MTMR8: variants seen among roughly 807,000 people sequenced by gnomAD.
MTMR8 encodes the protein myotubularin related protein 8, also known as phosphatidylinositol-3,5-bisphosphate 3-phosphatase MTMR8.
MTMR8 carries 65 observed loss-of-function variants against 39.3 expected under a neutral mutation model. That is an observed-to-expected ratio of 1.65 (90% CI 1.35 to 2.03). The LOEUF is 2.03. Among genes scored for constraint, MTMR8 ranks in the 30% most tolerant of loss-of-function variants. The pLI is 0.00. For synonymous variants in MTMR8, 245 were observed against 185.2 expected (o/e 1.32, Z -2.62); for missense variants, 777 against 538.9 (o/e 1.44, Z -4.37).
At chrX:64,358,233 G>C (rs1020077045) in intron 2 of MTMR8, among the ~76,000 whole-genome samples, 1 of 111,607 alleles carries the variant, frequency 9.0e-6, no homozygotes, top group Non-Finnish European at 1.9e-5. Context: ...AGAATCACTT[G>C]CCTAAGGTTA....
chrX:64,358,476 C>T (rs191831782), intron 2 of MTMR8, among the ~76,000 whole-genome samples: 1 of 111,798 alleles, frequency 8.9e-6, no homozygotes, highest in African/African-American at 3.3e-5. Context: ...CTTTATAATT[C>T]TTGTATCTTG....
rs762137804 is a variant in MTMR8 at position 64,328,851 on chromosome X, G to A, written c.1402C>T (p.Pro468Ser). 23 of 1,201,309 alleles carry A rather than the reference G, an allele frequency of 1.9e-5. No homozygotes were observed. In the East Asian group the frequency reaches 3.0e-4, roughly 16 times the overall value. The change falls in exon 12 of 14, where the codon CCA (proline) becomes TCA (serine). Residue 468 changes from proline (P) to serine (S), a missense_variant. Coordinates refer to ENST00000374852, the MANE Select transcript of MTMR8 (RefSeq NM_017677.4). ...TTATAGAGAGGGTTCCTGAAGTCTG[G>A]TTTCCTCTGAACCAAGAAAGGCCAC... ...SVWPFLVQRK[P>S]DFRNPLYKGF...
intron 1 of MTMR8, among the ~76,000 whole-genome samples, chrX:64,387,940 G>A (rs1245764367): frequency 9.0e-6 from 1 of 110,687 alleles, no homozygotes; most frequent in Non-Finnish European, 1.9e-5. Flanking sequence ...TCCCAGGCAG[G>A]CCACCCAATT....
chrX:64,308,657 G>A (rs925945199), intron 12 of MTMR8, among the ~76,000 whole-genome samples: 2 of 110,228 alleles, frequency 1.8e-5, no homozygotes, highest in African/African-American at 6.6e-5. Flanking sequence ...TCTACATAAC[G>A]ATTAATAATA....
chrX:64,354,719 T>C (rs192533738), intron 4 of MTMR8, 58 bp downstream of exon 4: 2 of 1,059,550 alleles, frequency 1.9e-6, no homozygotes, highest in African/African-American at 1.9e-5. Flanking sequence ...TCTTGTTTCC[T>C]GATATTCTAC....
chrX:64,382,256 G>C (rs942997222), intron 1 of MTMR8, among the ~76,000 whole-genome samples: 3 of 111,808 alleles, frequency 2.7e-5, no homozygotes, highest in Non-Finnish European at 3.8e-5. Context: ...TCTTCCATTT[G>C]TTTGTATCCT....
At chrX:64,285,327 T>C (rs1169894004) in intron 12 of MTMR8, among the ~76,000 whole-genome samples, 2 of 111,073 alleles carry the variant, frequency 1.8e-5, no homozygotes, top group Admixed American at 1.9e-4. Context: ...ATAAAGCAAG[T>C]CCTTAGAGAC....
chrX:64,306,969 G>A (rs192927161), intron 12 of MTMR8, among the ~76,000 whole-genome samples: 4 of 112,059 alleles, frequency 3.6e-5, no homozygotes, highest in African/African-American at 6.5e-5. Context: ...CTACGGGAGC[G>A]GAATGGCAGC....
Position 64,268,313 on chromosome X carries a change from T to G in MTMR8, c.*224A>C. On this transcript the variant is annotated 3_prime_UTR_variant, in exon 14 of 14. Coordinates refer to ENST00000374852, the MANE Select transcript of MTMR8 (RefSeq NM_017677.4). ...AACATTTCTATAGTTAAATCCCATTTTAGAACAATAACATATTCTTTCTCT... is the reference window on the plus strand; with the variant it reads ...AACATTTCTATAGTTAAATCCCATTGTAGAACAATAACATATTCTTTCTCT... 1 of 381,497 alleles carries G rather than the reference T, an allele frequency of 2.6e-6. No homozygotes were observed. The highest frequency in any genetic ancestry group is 4.4e-6 in the Non-Finnish European group (1 of 225,916). 31.4% of individuals were successfully genotyped at this position (381,497 alleles called of 1,213,427 possible). A position where few individuals can be genotyped will look rare whatever the true frequency, so the allele number is the denominator to read the frequency against.
At chrX:64,270,888 G>A in intron 13 of MTMR8, 59 bp downstream of exon 13, 1 of 1,150,532 alleles carries the variant, frequency 8.7e-7, no homozygotes, top group Non-Finnish European at 1.2e-6. Flanking sequence ...TCAACTCCAA[G>A]CAGGCTGGAC....
At chrX:64,272,176 C>T (rs1336614185) in intron 12 of MTMR8, among the ~76,000 whole-genome samples, 1 of 111,553 alleles carries the variant, frequency 9.0e-6, no homozygotes, top group East Asian at 2.8e-4. Context: ...AAAAGGGTAA[C>T]ACAATCTGAA....
intron 9 of MTMR8, 55 bp downstream of exon 9, chrX:64,337,212 AT>A: frequency 8.8e-7 from 1 of 1,141,915 alleles, no homozygotes; most frequent in East Asian, 3.1e-5. Context: ...GTTATTTTTT[AT>A]TTTGTCGCAA....
chrX:64,365,231 C>G (rs1290689642), intron 1 of MTMR8, among the ~76,000 whole-genome samples: 1 of 110,600 alleles, frequency 9.0e-6, no homozygotes, highest in African/African-American at 3.3e-5. Context: ...CAAGGGAGGC[C>G]AACATTCAAA....
At chrX:64,311,653 T>C (rs946897093) in intron 12 of MTMR8, among the ~76,000 whole-genome samples, 12 of 111,643 alleles carry the variant, frequency 1.1e-4, no homozygotes, top group Non-Finnish European at 2.3e-4. Context: ...CTTTAATCCA[T>C]CTGGAATTAA....
intron 13 of MTMR8, among the ~76,000 whole-genome samples, chrX:64,270,051 A>G (rs886744091): frequency 7.3e-5 from 8 of 109,593 alleles, no homozygotes; most frequent in African/African-American, 2.7e-4. Context: ...CTAAAAGAGG[A>G]GCCGTTAAGA....
rs749879321 is a variant in MTMR8, at chrX:64,289,636, C to CAAAAAAAAAAAAAAA, written c.1482-18578_1482-18564dup. ...TGGGTGACAGAGTGAGACTCCATCG[C>CAAAAAAAAAAAAAAA]AAAAAAAAAAAAAAAAAAAAAAAAA... is the stretch of plus-strand genomic sequence containing the variant. On this transcript the variant is annotated intron_variant, in intron 12 of 13. Transcript: ENST00000374852. 3.7e-3 allele frequency among the ~76,000 whole-genome samples: 98 copies of CAAAAAAAAAAAAAAA among 26,386 alleles called. 8 individuals are homozygous for CAAAAAAAAAAAAAAA. The highest frequency in any genetic ancestry group is 9.9e-3 in the African/African-American group (96 of 9,723). 22.9% of individuals were successfully genotyped at this position (26,386 alleles called of 115,157 possible).
rs1336954353 is a variant in MTMR8, at chrX:64,328,804, T to C, written c.1449A>G (p.Val483=). The C allele has an allele frequency of 2.5e-6, 3 of 1,195,369 alleles. No individual in the cohort carries two copies. In the Admixed American group the frequency reaches 7.1e-5, roughly 28 times the overall value. The change falls in exon 12 of 14, where the codon GTA becomes GTG. Residue 483 remains valine (V), a synonymous_variant. Transcript: ENST00000374852. The part of the protein sequence containing the change: ...PLYKGFTMYG[V]LNPSTVPYNI... Reference sequence around the variant, plus strand: ...TGTAGGGCACAGTACTAGGATTGAGTACCCCATACATAGTGAAGCCTTTAT... The same window carrying C: ...TGTAGGGCACAGTACTAGGATTGAGCACCCCATACATAGTGAAGCCTTTAT...
In MTMR8 at chrX:64,323,067, C is replaced by A. The variant is rs755576056; in HGVS notation, c.1481+5705G>T. Among the ~76,000 whole-genome samples the A allele has an allele frequency of 2.7e-5, 3 of 112,210 alleles. No individual in the cohort carries two copies. In the South Asian group the frequency reaches 1.1e-3, roughly 41 times the overall value. On this transcript the variant is annotated intron_variant, in intron 12 of 13. Coordinates refer to ENST00000374852, the MANE Select transcript of MTMR8 (RefSeq NM_017677.4). Reference sequence around the variant, plus strand: ...CTGCCCCAAGTTGGTGATTTGGCCCCCGTGTGACAATGGCATACCAGCCAG... The same window carrying A: ...CTGCCCCAAGTTGGTGATTTGGCCCACGTGTGACAATGGCATACCAGCCAG...
intron 6 of MTMR8, among the ~76,000 whole-genome samples, chrX:64,346,046 T>A (rs1923341641): frequency 8.9e-6 from 1 of 112,024 alleles, no homozygotes; most frequent in Non-Finnish European, 1.9e-5. Flanking sequence ...TTTGTGGTAA[T>A]CAGAAAATCT....
Sources: gnomAD v4.1 joint callset for allele counts (sites outside exome capture counted in the v4.1 genomes callset) on GRCh38, gnomAD v4.1.1 for gene constraint, MANE v1.5 for transcripts, NCBI Gene and HGNC (gene_info 2026-07-23, HGNC 2026-07-21) for gene names.